The following BICC1 variants were observed in gnomAD, a reference collection of about 807,000 sequenced individuals.
BICC1 encodes the protein protein bicaudal C homolog 1.
In BICC1, 43 loss-of-function variants were observed where a neutral mutation model predicts 111.0. That is an observed-to-expected ratio of 0.39 (90% CI 0.30 to 0.50). The LOEUF (loss-of-function observed/expected upper bound fraction) is 0.50. Among genes scored for constraint, BICC1 ranks in the 20% least tolerant of loss-of-function variants. The pLI is 0.88. For missense variants in BICC1, 1,091 were observed against 1,203.2 expected (o/e 0.91, Z 1.38); for synonymous variants, 467 against 434.4 (o/e 1.07, Z -0.93).
At chr10:58,572,561 G>C (rs1053990812) in intron 1 of BICC1, among the ~76,000 whole-genome samples, 2 of 152,066 alleles carry the variant, frequency 1.3e-5, no homozygotes, top group Non-Finnish European at 2.9e-5. Flanking sequence ...TTTTAATCTA[G>C]TGTGAAAATA....
chr10:58,620,954 T>C (rs748783001), intron 2 of BICC1, 53 bp downstream of exon 2: 47 of 1,518,378 alleles, frequency 3.1e-5, no homozygotes, highest in Non-Finnish European at 4.1e-5. Flanking sequence ...AATATACTTA[T>C]CTCAACAGCT....
At chr10:58,783,251 A>G (rs1396526400) in intron 3 of BICC1, among the ~76,000 whole-genome samples, 1 of 152,136 alleles carries the variant, frequency 6.6e-6, no homozygotes, top group African/African-American at 2.4e-5. Context: ...CAGCTGCTGG[A>G]CATCTCCCCA....
chr10:58,670,157 A>G (rs1839138755), intron 2 of BICC1, among the ~76,000 whole-genome samples: 4 of 152,134 alleles, frequency 2.6e-5, no homozygotes, highest in Admixed American at 2.0e-4. Context: ...GCTTTATCAC[A>G]TATCCAATCT....
intron 1 of BICC1, among the ~76,000 whole-genome samples, chr10:58,564,675 T>G (rs1200336653): frequency 6.6e-6 from 1 of 152,176 alleles, no homozygotes; most frequent in Non-Finnish European, 1.5e-5. Flanking sequence ...TCAATTACAG[T>G]CCCAAACTAG....
At chr10:58,761,320 A>G (rs1842310309) in intron 3 of BICC1, among the ~76,000 whole-genome samples, 1 of 152,184 alleles carries the variant, frequency 6.6e-6, no homozygotes, top group South Asian at 2.1e-4. Context: ...GAGGAGGTAT[A>G]CAAATCCTAG....
intron 1 of BICC1, among the ~76,000 whole-genome samples, chr10:58,608,319 C>G (rs543699523): frequency 6.6e-6 from 1 of 152,178 alleles, no homozygotes; most frequent in Non-Finnish European, 1.5e-5. Context: ...ATTCCCTTTC[C>G]CTTTCACCAT....
chr10:58,694,296 A>G (rs1840005422), intron 2 of BICC1, among the ~76,000 whole-genome samples: 1 of 152,170 alleles, frequency 6.6e-6, no homozygotes, highest in Non-Finnish European at 1.5e-5. Context: ...CATCATGACT[A>G]CTTGCGTTGC....
intron 3 of BICC1, among the ~76,000 whole-genome samples, chr10:58,718,387 C>T (rs1840816338): frequency 6.6e-6 from 1 of 152,130 alleles, no homozygotes; most frequent in South Asian, 2.1e-4. Context: ...CCAAAGTCTC[C>T]ACCTCTTAAT....
chr10:58,746,740 G>T (rs1027212649), intron 3 of BICC1, among the ~76,000 whole-genome samples: 2 of 152,126 alleles, frequency 1.3e-5, no homozygotes, highest in Admixed American at 6.6e-5. Context: ...TCCTAGCTGG[G>T]TGTTCATCTA....
At chr10:58,705,600 A>G (rs1179556064) in intron 3 of BICC1, among the ~76,000 whole-genome samples, 1 of 152,198 alleles carries the variant, frequency 6.6e-6, no homozygotes, top group African/African-American at 2.4e-5. Context: ...TAGATGGAAT[A>G]TAGTAGGGGC....
At chr10:58,646,335 G>A (rs1838268886) in intron 2 of BICC1, among the ~76,000 whole-genome samples, 1 of 152,054 alleles carries the variant, frequency 6.6e-6, no homozygotes, top group South Asian at 2.1e-4. Flanking sequence ...TGCACAGCTG[G>A]GATAAGATTG....
intron 2 of BICC1, among the ~76,000 whole-genome samples, chr10:58,656,341 T>C (rs989694108): frequency 6.6e-5 from 10 of 150,572 alleles, no homozygotes; most frequent in Middle Eastern, 6.8e-3. Flanking sequence ...CCTCCCTAAC[T>C]CATTTTATGA....
At chr10:58,716,381 G>A in intron 3 of BICC1, 2 of 1,174,988 alleles carry the variant, frequency 1.7e-6, no homozygotes, top group South Asian at 3.2e-5. Flanking sequence ...TAACATGCAT[G>A]AATTTTCTTG....
intron 1 of BICC1, among the ~76,000 whole-genome samples, chr10:58,584,055 AACAC>A (rs140080926): frequency 0.049 from 7,258 of 147,776 alleles, 500 homozygotes; most frequent in African/African-American, 0.16. Context: ...GTAAACATGA[AACAC>A]ACACACACAC....
chr10:58,706,240 G>A (rs1031012045), intron 3 of BICC1, among the ~76,000 whole-genome samples: 2 of 152,126 alleles, frequency 1.3e-5, no homozygotes, highest in Non-Finnish European at 2.9e-5. Flanking sequence ...CTGAATCATA[G>A]CCTTAATATT....
chr10:58,666,809 T>A (rs1404190022), intron 2 of BICC1, among the ~76,000 whole-genome samples: 1 of 152,150 alleles, frequency 6.6e-6, no homozygotes, highest in African/African-American at 2.4e-5. Flanking sequence ...AGCCATTCAA[T>A]TGCTGATATG....
At chr10:58,656,583 A>G (rs1264841005) in intron 2 of BICC1, among the ~76,000 whole-genome samples, 1 of 151,656 alleles carries the variant, frequency 6.6e-6, no homozygotes, top group African/African-American at 2.4e-5. Flanking sequence ...ATATAAACAG[A>G]GCCAAAGACA....
intron 2 of BICC1, among the ~76,000 whole-genome samples, chr10:58,639,404 T>TC (rs927566648): frequency 2.7e-5 from 4 of 150,206 alleles, no homozygotes; most frequent in Admixed American, 6.6e-5. Flanking sequence ...TAAATTTTTT[T>TC]TTTTTTTTTT....
chr10:58,602,077 G>A (rs1177736744), intron 1 of BICC1, among the ~76,000 whole-genome samples: 1 of 152,060 alleles, frequency 6.6e-6, no homozygotes, highest in African/African-American at 2.4e-5. Context: ...AATAAATGAG[G>A]CCTGAAACAT....
Sources: gnomAD v4.1 joint callset for allele counts (sites outside exome capture counted in the v4.1 genomes callset) on GRCh38, gnomAD v4.1.1 for gene constraint, MANE v1.5 for transcripts, NCBI Gene and HGNC (gene_info 2026-07-23, HGNC 2026-07-21) for gene names.